TNS3: variants seen among roughly 807,000 people sequenced by gnomAD.
TNS3 encodes the protein tensin 3.
In TNS3, 45 loss-of-function variants were observed where a neutral mutation model predicts 140.9. The observed-to-expected ratio is 0.32, with a 90% CI of 0.25 to 0.41. TNS3 has a LOEUF of 0.41. Ranked by LOEUF, TNS3 falls within the 10% of genes least tolerant of loss-of-function variation. TNS3 has a pLI of 1.00. For missense variants in TNS3, 1,716 were observed against 1,906.7 expected, an observed-to-expected ratio of 0.90 and a Z score of 1.86; for synonymous variants, 815 against 788.4, an observed-to-expected ratio of 1.03 and a Z score of -0.56.
At chr7:47,541,381 C>G (rs999920270) in intron 1 of TNS3, among the ~76,000 whole-genome samples, 1 of 152,132 alleles carries the variant, frequency 6.6e-6, no homozygotes, top group African/African-American at 2.4e-5. Flanking sequence ...CACACACACA[C>G]AGAGATACTC....
Position 47,275,643 on chromosome 7 carries a change from T to A in TNS3, c.*2433A>T, listed in dbSNP as rs765818164. 4.8e-5 allele frequency: 18 copies of A among 373,902 alleles called. No homozygotes were observed. The highest frequency in any genetic ancestry group is 8.0e-5 in the Non-Finnish European group (15 of 187,992). The allele number at this position is 373,902 out of a possible 1,614,324, so 23.2% of individuals were successfully genotyped here. ...CACAGCTTGTTCTGTTTAATGCACA[T>A]GTAACACAAAAGGAAGAAAGAAACT... On this transcript the variant is annotated 3_prime_UTR_variant, in exon 31 of 31. Transcript: ENST00000311160.
intron 16 of TNS3, among the ~76,000 whole-genome samples, chr7:47,394,747 G>T (rs370248377): frequency 6.6e-6 from 1 of 152,218 alleles, no homozygotes; most frequent in Non-Finnish European, 1.5e-5. Flanking sequence ...ACACTCAACT[G>T]ATTTTCTGTC....
intron 20 of TNS3, among the ~76,000 whole-genome samples, chr7:47,324,103 G>C (rs931133968): frequency 1.1e-4 from 17 of 152,176 alleles, no homozygotes; most frequent in African/African-American, 3.9e-4. Context: ...TTCCCCTCCT[G>C]ACCTGGCTGC....
intron 9 of TNS3, 73 bp downstream of exon 9, chr7:47,428,239 G>T: frequency 8.8e-7 from 1 of 1,132,206 alleles, no homozygotes; most frequent in Non-Finnish European, 1.2e-6. Context: ...CAGCTCCCGC[G>T]CAGACAGCCT....
intron 20 of TNS3, among the ~76,000 whole-genome samples, chr7:47,339,956 CATATAT>C (rs35991026): frequency 0.029 from 3,993 of 136,482 alleles, 194 homozygotes; most frequent in African/African-American, 0.099. Context: ...TTATAAGTGG[CATATAT>C]ATATATATAT....
chr7:47,373,054 G>A (rs998267092), intron 16 of TNS3, among the ~76,000 whole-genome samples: 5 of 152,138 alleles, frequency 3.3e-5, no homozygotes, highest in African/African-American at 9.7e-5. Context: ...TCTTCAGTGG[G>A]GGCAGGAGAG....
chr7:47,424,507 C>A (rs1217834645), intron 9 of TNS3, among the ~76,000 whole-genome samples: 1 of 152,232 alleles, frequency 6.6e-6, no homozygotes, highest in Non-Finnish European at 1.5e-5. Context: ...TCTCAGCAGG[C>A]AGGTGGTAGG....
chr7:47,334,380 T>C (rs929514217), intron 20 of TNS3, among the ~76,000 whole-genome samples: 1 of 152,170 alleles, frequency 6.6e-6, no homozygotes, highest in South Asian at 2.1e-4. Context: ...CTAATCTTTT[T>C]CACTGAAGCC....
chr7:47,576,651 C>A (rs113969121), intron 1 of TNS3, among the ~76,000 whole-genome samples: 7 of 152,338 alleles, frequency 4.6e-5, no homozygotes, highest in African/African-American at 1.7e-4. Context: ...TGTGCACAGG[C>A]CAGGACGCAG....
intron 15 of TNS3, 53 bp downstream of exon 15, chr7:47,400,340 C>T: frequency 6.8e-7 from 1 of 1,474,106 alleles, no homozygotes; most frequent in East Asian, 2.3e-5. Flanking sequence ...AGCCATCATG[C>T]ACCTTTCACC....
chr7:47,304,312 G>A (rs575595404), intron 21 of TNS3, among the ~76,000 whole-genome samples: 2 of 152,300 alleles, frequency 1.3e-5, no homozygotes, highest in Admixed American at 1.3e-4. Flanking sequence ...GAACATTCAT[G>A]GGTACAGAGT....
chr7:47,447,742 AC>A (rs1795818777), intron 4 of TNS3, among the ~76,000 whole-genome samples: 1 of 151,906 alleles, frequency 6.6e-6, no homozygotes, highest in Non-Finnish European at 1.5e-5. Context: ...TAAAGACCCT[AC>A]CCTAAAGCCT....
chr7:47,430,353 C>T (rs967716197), intron 8 of TNS3, among the ~76,000 whole-genome samples: 1 of 152,074 alleles, frequency 6.6e-6, no homozygotes. Flanking sequence ...TGATCTCGAA[C>T]TCCCGATGTC....
At chr7:47,444,029 G>A (rs545892992) in intron 4 of TNS3, among the ~76,000 whole-genome samples, 7 of 152,332 alleles carry the variant, frequency 4.6e-5, no homozygotes, top group African/African-American at 1.2e-4. Context: ...TCAAAAACCC[G>A]TTTAGGTTAA....
intron 10 of TNS3, among the ~76,000 whole-genome samples, chr7:47,421,737 T>C (rs772198076): frequency 1.3e-5 from 2 of 152,112 alleles, no homozygotes; most frequent in Non-Finnish European, 2.9e-5. Context: ...AAGGAAGGTA[T>C]AAAAACAGAA....
intron 3 of TNS3, among the ~76,000 whole-genome samples, chr7:47,495,465 A>T (rs1441430172): frequency 1.3e-5 from 2 of 151,858 alleles, no homozygotes; most frequent in Non-Finnish European, 2.9e-5. Context: ...CAGGGCCACG[A>T]CCCCCGCCCT....
In TNS3 at chr7:47,396,923, G is replaced by T. The variant is rs772988286; in HGVS notation, c.920-19C>A. On this transcript the variant is annotated intron_variant, in intron 15 of 30. Coordinates refer to ENST00000311160, the MANE Select transcript of TNS3 (RefSeq NM_022748.12). ...TCGGACCCTGCACAGAGCACAGGCA[G>T]CAACATTAGTCCCAGTGAAACCCAT... 1.3e-6 allele frequency: 2 copies of T among 1,586,930 alleles called. No individual in the cohort carries two copies. Among genetic ancestry groups the T allele is most frequent in the South Asian group, 2.2e-5 (2 of 90,524 alleles).
intron 3 of TNS3, among the ~76,000 whole-genome samples, chr7:47,500,456 A>G (rs182878647): frequency 2.3e-4 from 35 of 152,332 alleles, no homozygotes; most frequent in Admixed American, 1.7e-3. Context: ...CAGCCCTGTC[A>G]CCTGTAAGAG....
intron 27 of TNS3, among the ~76,000 whole-genome samples, chr7:47,285,910 G>C (rs1183622624): frequency 6.6e-6 from 1 of 152,198 alleles, no homozygotes; most frequent in Non-Finnish European, 1.5e-5. Context: ...AGCATGGAAA[G>C]ACGTCATCAG....
Sources: gnomAD v4.1 joint callset for allele counts (sites outside exome capture counted in the v4.1 genomes callset) on GRCh38, gnomAD v4.1.1 for gene constraint, MANE v1.5 for transcripts, NCBI Gene and HGNC (gene_info 2026-07-23, HGNC 2026-07-21) for gene names.